SCHIP1: variants seen among roughly 807,000 people sequenced by gnomAD.
SCHIP1 encodes the protein schwannomin interacting protein 1, also known as schwannomin-interacting protein 1.
Under a neutral mutation model 29.7 loss-of-function variants are expected in SCHIP1, and 8 were observed. That is an observed-to-expected ratio of 0.27 (90% CI 0.16 to 0.49). The LOEUF (loss-of-function observed/expected upper bound fraction) is 0.49, where lower values mean the gene tolerates loss of function less well. SCHIP1 is among the 20% of genes least tolerant of loss of function. The probability of loss-of-function intolerance (pLI) is 0.99; values close to 1 mark genes in which losing one functional copy is unlikely to be tolerated. For synonymous variants in SCHIP1, 76 were observed against 94.9 expected (o/e 0.80, Z 1.16); for missense variants, 193 against 294.6 (o/e 0.66, Z 2.52).
the SCHIP1 span, among the ~76,000 whole-genome samples, chr3:159,355,477 GT>G: frequency 6.6e-6 from 1 of 152,014 alleles, no homozygotes; most frequent in South Asian, 2.1e-4. Flanking sequence ...GGTGCACAAG[GT>G]GACATCATAT....
the SCHIP1 span, among the ~76,000 whole-genome samples, chr3:159,428,468 T>C: frequency 6.6e-6 from 1 of 152,184 alleles, no homozygotes; most frequent in Non-Finnish European, 1.5e-5. Flanking sequence ...CTGGCCATCA[T>C]AGAAACGCAA....
chr3:159,321,019 C>T, the SCHIP1 span, among the ~76,000 whole-genome samples: 12 of 152,238 alleles, frequency 7.9e-5, 1 homozygote, highest in African/African-American at 2.9e-4. Flanking sequence ...GGTTGGAGTG[C>T]AGTGGCACGA....
chr3:159,867,766 T>A (rs909815217), intron 2 of SCHIP1, among the ~76,000 whole-genome samples: 4 of 152,124 alleles, frequency 2.6e-5, no homozygotes, highest in African/African-American at 9.7e-5. Flanking sequence ...ATTTTGAAAC[T>A]TTAACAATTT....
the SCHIP1 span, among the ~76,000 whole-genome samples, chr3:159,379,745 A>G: frequency 1.3e-5 from 2 of 152,056 alleles, no homozygotes; most frequent in East Asian, 3.9e-4. Context: ...ACCACATGAC[A>G]AAAAGAAAAG....
chr3:159,424,222 G>C, the SCHIP1 span, among the ~76,000 whole-genome samples: 1 of 152,064 alleles, frequency 6.6e-6, no homozygotes, highest in Admixed American at 6.6e-5. Flanking sequence ...AGAGAAGAAG[G>C]CTTCAGATGA....
chr3:159,423,622 G>C, the SCHIP1 span, among the ~76,000 whole-genome samples: 1 of 141,408 alleles, frequency 7.1e-6, no homozygotes, highest in African/African-American at 2.5e-5. Context: ...TTCCACCTCT[G>C]GGGGCAGCGC....
the SCHIP1 span, among the ~76,000 whole-genome samples, chr3:159,514,022 A>AAAC: frequency 1.3e-5 from 2 of 152,226 alleles, no homozygotes; most frequent in Non-Finnish European, 2.9e-5. Context: ...GCAAGACGTG[A>AAAC]AATGAACCTG....
the SCHIP1 span, among the ~76,000 whole-genome samples, chr3:159,497,181 T>C: frequency 2.5e-4 from 38 of 151,926 alleles, no homozygotes; most frequent in African/African-American, 8.7e-4. Flanking sequence ...CACACCAACA[T>C]GGCACATGTA....
chr3:159,592,630 G>A, the SCHIP1 span, among the ~76,000 whole-genome samples: 1 of 151,728 alleles, frequency 6.6e-6, no homozygotes. Context: ...TTCACATCTT[G>A]CAGTACCCAA....
the SCHIP1 span, among the ~76,000 whole-genome samples, chr3:159,541,899 T>C: frequency 6.6e-6 from 1 of 152,062 alleles, no homozygotes; most frequent in East Asian, 1.9e-4. Flanking sequence ...GCTGTAAAAT[T>C]GCTTTGAAAT....
chr3:159,306,495 A>T, the SCHIP1 span: 3 of 259,848 alleles, frequency 1.2e-5, no homozygotes, highest in Non-Finnish European at 1.8e-5. Context: ...TCCATTTCAC[A>T]GATGAAGAAA....
the SCHIP1 span, among the ~76,000 whole-genome samples, chr3:159,424,120 C>G: frequency 2.0e-5 from 3 of 150,726 alleles, no homozygotes; most frequent in African/African-American, 7.3e-5. Context: ...ACTGGAAACT[C>G]TAAAAAGCAG....
At chr3:159,603,711 T>C in the SCHIP1 span, among the ~76,000 whole-genome samples, 1 of 152,214 alleles carries the variant, frequency 6.6e-6, no homozygotes, top group African/African-American at 2.4e-5. Flanking sequence ...TAGTCTTAAG[T>C]CTTAATCCAT....
chr3:159,563,702 C>T, the SCHIP1 span, among the ~76,000 whole-genome samples: 239 of 152,022 alleles, frequency 1.6e-3, 1 homozygote, highest in African/African-American at 5.5e-3. Flanking sequence ...GGTGCACACC[C>T]GCAGTCCCAG....
chr3:159,732,462 T>A, the SCHIP1 span, among the ~76,000 whole-genome samples: 2 of 152,218 alleles, frequency 1.3e-5, no homozygotes, highest in East Asian at 3.8e-4. Flanking sequence ...ATAATCGTTC[T>A]CATGGCGGGT....
chr3:159,307,807 C>T, the SCHIP1 span, among the ~76,000 whole-genome samples: 2 of 152,070 alleles, frequency 1.3e-5, no homozygotes, highest in African/African-American at 4.8e-5. Flanking sequence ...CCAGTTATCC[C>T]AGCACCATTT....
chr3:159,467,079 C>T, the SCHIP1 span, among the ~76,000 whole-genome samples: 2 of 152,092 alleles, frequency 1.3e-5, no homozygotes, highest in South Asian at 2.1e-4. Flanking sequence ...CCTTAAAAGC[C>T]GTTCTGTACC....
chr3:159,635,021 T>C, the SCHIP1 span, among the ~76,000 whole-genome samples: 1 of 152,100 alleles, frequency 6.6e-6, no homozygotes, highest in South Asian at 2.1e-4. Flanking sequence ...ACAACCTTCG[T>C]CTTTGTATTA....
the SCHIP1 span, among the ~76,000 whole-genome samples, chr3:159,548,713 T>C: frequency 6.6e-6 from 1 of 152,104 alleles, no homozygotes; most frequent in Non-Finnish European, 1.5e-5. Flanking sequence ...ATTAAAATTT[T>C]TTTTAGTTCT....
Sources: allele counts gnomAD v4.1 joint callset (sites outside exome capture counted in the v4.1 genomes callset), GRCh38; gene constraint gnomAD v4.1.1; transcripts MANE v1.5; gene names NCBI Gene and HGNC (gene_info 2026-07-23, HGNC 2026-07-21).